COL24A1: variants seen among roughly 807,000 people sequenced by gnomAD.
The protein encoded by COL24A1 is collagen type XXIV alpha 1 chain.
COL24A1 carries 224 observed loss-of-function variants against 253.9 expected under a neutral mutation model. The observed-to-expected ratio is 0.88, with a 90% CI of 0.79 to 0.99. The LOEUF (loss-of-function observed/expected upper bound fraction) is 0.99. COL24A1 is among the 50% of genes least tolerant of loss of function. The pLI is 0.00. For synonymous variants in COL24A1, 685 were observed against 673.7 expected (o/e 1.02, Z -0.26); for missense variants, 2,131 against 2,068.5 (o/e 1.03, Z -0.59).
intron 47 of COL24A1, among the ~76,000 whole-genome samples, chr1:85,787,429 A>G (rs1365429898): frequency 6.6e-6 from 1 of 152,114 alleles, no homozygotes; most frequent in Non-Finnish European, 1.5e-5. Context: ...ATGTGTTCAC[A>G]TTGTTCAGCT....
intron 24 of COL24A1, among the ~76,000 whole-genome samples, chr1:85,959,349 T>A (rs531234606): frequency 6.6e-6 from 1 of 152,118 alleles, no homozygotes; most frequent in Non-Finnish European, 1.5e-5. Flanking sequence ...GTTGGAAAGG[T>A]CTTTTTGTCT....
At chr1:86,052,733 T>A (rs1187686953) in intron 10 of COL24A1, among the ~76,000 whole-genome samples, 1 of 151,892 alleles carries the variant, frequency 6.6e-6, no homozygotes, top group Non-Finnish European at 1.5e-5. Flanking sequence ...ATGGAAAAAA[T>A]TTTATGTTAT....
At chr1:86,144,034 G>A (rs976797879) in intron 2 of COL24A1, among the ~76,000 whole-genome samples, 1 of 152,038 alleles carries the variant, frequency 6.6e-6, no homozygotes, top group African/African-American at 2.4e-5. Context: ...GGAAAAAAGT[G>A]TTTCTAAGTT....
intron 23 of COL24A1, among the ~76,000 whole-genome samples, chr1:85,963,597 T>G (rs188528915): frequency 6.6e-6 from 1 of 152,126 alleles, no homozygotes; most frequent in Non-Finnish European, 1.5e-5. Context: ...TAGGGTTCTA[T>G]GAAGAGTGTG....
At chr1:85,883,084 T>C (rs1004129814) in intron 32 of COL24A1, among the ~76,000 whole-genome samples, 1 of 152,238 alleles carries the variant, frequency 6.6e-6, no homozygotes, top group Non-Finnish European at 1.5e-5. Flanking sequence ...TATGATATCA[T>C]TGAGTTAGTA....
intron 37 of COL24A1, among the ~76,000 whole-genome samples, chr1:85,867,951 G>C (rs1679983538): frequency 6.6e-6 from 1 of 152,118 alleles, no homozygotes; most frequent in African/African-American, 2.4e-5. Context: ...CACCATGTTG[G>C]CCAGGCTGGT....
rs141589051 is a variant in COL24A1 at position 86,004,744 on chromosome 1, G to A, written c.2310+12407C>T. On this transcript the variant is annotated intron_variant, in intron 19 of 59. Transcript: ENST00000370571. ...GCTGAAGATCTTGTTACCCAAAGTG[G>A]GGGGTCTCTCTTGACAGAAGACACA... Among the ~76,000 whole-genome samples, 65 of 152,152 alleles carry A rather than the reference G, an allele frequency of 4.3e-4. No homozygotes were observed. In the East Asian group the frequency reaches 0.012, roughly 28 times the overall value.
chr1:86,142,534 C>A lies in COL24A1; in HGVS notation c.121+3585G>T, dbSNP rs527972985. The stretch of plus-strand genomic sequence containing the variant: ...TGAGACACTGCCTCAAAAAAAAAAA[C>A]AAAAAACAAAAAACAAAAAAAACAA... On this transcript the variant is annotated intron_variant, in intron 2 of 59. Coordinates refer to ENST00000370571, the MANE Select transcript of COL24A1 (RefSeq NM_152890.7). 7.3e-3 allele frequency among the ~76,000 whole-genome samples: 943 copies of A among 128,456 alleles called. 11 individuals are homozygous for A. Among genetic ancestry groups the A allele is most frequent in the East Asian group, 0.052 (196 of 3,796 alleles). The allele number at this position is 128,456 out of a possible 152,430, so 84.3% of individuals were successfully genotyped here. A position where few individuals can be genotyped will look rare whatever the true frequency, so the allele number is the denominator to read the frequency against.
intron 24 of COL24A1, among the ~76,000 whole-genome samples, chr1:85,936,784 A>G (rs1688283573): frequency 1.4e-5 from 2 of 147,280 alleles, no homozygotes; most frequent in African/African-American, 5.0e-5. Flanking sequence ...GGAAGATCAC[A>G]GTGCAGGCTC....
At chr1:85,794,521 A>G (rs865911405) in intron 47 of COL24A1, among the ~76,000 whole-genome samples, 57 of 152,320 alleles carry the variant, frequency 3.7e-4, no homozygotes, top group African/African-American at 1.3e-3. Context: ...GTCATTTACT[A>G]TGCTTGTTGG....
At chr1:86,028,838 A>G (rs1003775487) in intron 14 of COL24A1, among the ~76,000 whole-genome samples, 6 of 152,228 alleles carry the variant, frequency 3.9e-5, no homozygotes, top group African/African-American at 1.2e-4. Flanking sequence ...TCAGGTAGAC[A>G]AACATGTGCA....
At position 86,137,664 on chromosome 1, in the gene COL24A1, C is replaced by T. The variant is rs562163632; in HGVS notation, c.121+8455G>A. Among the ~76,000 whole-genome samples, 42 of 152,216 alleles carry T rather than the reference C, an allele frequency of 2.8e-4. No homozygotes were observed. The South Asian group carries it at 8.1e-3, about 29-fold the overall frequency. On this transcript the variant is annotated intron_variant, in intron 2 of 59. Transcript: ENST00000370571. ...CGACTTGTTCTTTTTTCTATAAATACCAGGCCTAATGACTTCATCCAAACC... is the reference window on the plus strand; with the variant it reads ...CGACTTGTTCTTTTTTCTATAAATATCAGGCCTAATGACTTCATCCAAACC...
At chr1:85,989,815 C>T (rs911473169) in intron 19 of COL24A1, among the ~76,000 whole-genome samples, 1 of 152,164 alleles carries the variant, frequency 6.6e-6, no homozygotes, top group Non-Finnish European at 1.5e-5. Flanking sequence ...AGTTTCCTCA[C>T]CTAGAACACT....
At chr1:86,112,698 AC>A in intron 4 of COL24A1, 78 bp from the exon 5 acceptor site, 2 of 1,328,480 alleles carry the variant, frequency 1.5e-6, no homozygotes, top group Non-Finnish European at 2.2e-6. Flanking sequence ...TTTCCTCTCA[AC>A]ATGTGTGATC....
rs139448240 is a variant in COL24A1, at chr1:85,992,830, A to C, written c.2311-5176T>G. On this transcript the variant is annotated intron_variant, in intron 19 of 59. Transcript: ENST00000370571. ...ATCAGAATTTAAAATATAATACCTTAGTGAAGGAAAGAAACAGCAGTCTGG... is the reference window on the plus strand; with the variant it reads ...ATCAGAATTTAAAATATAATACCTTCGTGAAGGAAAGAAACAGCAGTCTGG... Among the ~76,000 whole-genome samples the C allele has an allele frequency of 4.5e-3, 690 of 152,300 alleles. 6 individuals carry two copies. Among genetic ancestry groups the C allele is most frequent in the African/African-American group, 0.016 (664 of 41,574 alleles).
At chr1:85,882,374 A>G (rs561516657) in intron 32 of COL24A1, among the ~76,000 whole-genome samples, 1 of 152,310 alleles carries the variant, frequency 6.6e-6, no homozygotes, top group African/African-American at 2.4e-5. Context: ...CTGAGGAAGG[A>G]GAATGGCGCG....
At chr1:85,772,224 C>A (rs975925885) in intron 53 of COL24A1, among the ~76,000 whole-genome samples, 2 of 151,892 alleles carry the variant, frequency 1.3e-5, no homozygotes, top group African/African-American at 4.8e-5. Flanking sequence ...CATCACTGGC[C>A]ATCAGAGAAA....
chr1:85,851,381 T>C (rs890830405), intron 37 of COL24A1, among the ~76,000 whole-genome samples: 5 of 152,154 alleles, frequency 3.3e-5, no homozygotes, highest in African/African-American at 1.2e-4. Flanking sequence ...GGCTTTCTTT[T>C]GCTATTACAG....
intron 55 of COL24A1, among the ~76,000 whole-genome samples, chr1:85,756,623 A>G (rs1432592758): frequency 1.3e-5 from 2 of 152,224 alleles, no homozygotes; most frequent in Non-Finnish European, 2.9e-5. Flanking sequence ...GTGGTAATGT[A>G]AAGTGTGTGG....
Sources: gnomAD v4.1 joint callset for allele counts (sites outside exome capture counted in the v4.1 genomes callset) on GRCh38, gnomAD v4.1.1 for gene constraint, MANE v1.5 for transcripts, NCBI Gene and HGNC (gene_info 2026-07-23, HGNC 2026-07-21) for gene names.